ESRRG: variants seen among roughly 807,000 people sequenced by gnomAD.
ESRRG encodes the protein estrogen related receptor gamma.
A neutral mutation model predicts 44.0 loss-of-function variants in ESRRG; 13 were observed. The ratio of observed to expected loss-of-function variants is 0.30; its 90% CI spans 0.19 to 0.47. ESRRG has a LOEUF of 0.47. Among genes scored for constraint, ESRRG ranks in the 20% least tolerant of loss-of-function variants. ESRRG has a pLI of 1.00. For synonymous variants in ESRRG, 215 were observed against 214.6 expected, an observed-to-expected ratio of 1.00 and a Z score of -0.02; for missense variants, 395 against 580.6, an observed-to-expected ratio of 0.68 and a Z score of 3.29.
At chr1:216,620,986 C>A (rs935091496) in intron 3 of ESRRG, among the ~76,000 whole-genome samples, 1 of 152,130 alleles carries the variant, frequency 6.6e-6, no homozygotes, top group Admixed American at 6.5e-5. Context: ...GTTTGGACAC[C>A]AGACGTCAAG....
intron 2 of ESRRG, among the ~76,000 whole-genome samples, chr1:216,757,037 A>G (rs1406278748): frequency 6.6e-6 from 1 of 151,990 alleles, no homozygotes; most frequent in Non-Finnish European, 1.5e-5. Context: ...TCATAAAGGC[A>G]TTTCCACAGC....
chr1:216,517,492 TAGTTAATA>T (rs1405016125), intron 6 of ESRRG, among the ~76,000 whole-genome samples: 1 of 152,214 alleles, frequency 6.6e-6, no homozygotes, highest in Non-Finnish European at 1.5e-5. Flanking sequence ...CATTCATGGT[TAGTTAATA>T]ATTTTTAAAA....
chr1:216,978,834 T>A (rs11572459), intron 1 of ESRRG, among the ~76,000 whole-genome samples: 2,920 of 152,278 alleles, frequency 0.019, 87 homozygotes, highest in African/African-American at 0.062. Context: ...GGCCAAGGTC[T>A]CTTTCCTTTA....
At chr1:216,921,289 C>G (rs1473211419) in intron 2 of ESRRG, among the ~76,000 whole-genome samples, 5 of 152,026 alleles carry the variant, frequency 3.3e-5, no homozygotes, top group Admixed American at 1.3e-4. Context: ...TGACTTTTTT[C>G]AAGTACTTAA....
At chr1:216,721,546 G>A (rs2086281797) in intron 1 of ESRRG, among the ~76,000 whole-genome samples, 3 of 152,148 alleles carry the variant, frequency 2.0e-5, no homozygotes, top group Non-Finnish European at 1.5e-5. Context: ...AAAGCCAAAA[G>A]GACATGTGCC....
chr1:216,598,226 A>C (rs148833500), intron 3 of ESRRG, among the ~76,000 whole-genome samples: 1 of 152,290 alleles, frequency 6.6e-6, no homozygotes, highest in East Asian at 1.9e-4. Flanking sequence ...ACTGTAGAGA[A>C]ACACATAGAC....
At chr1:217,136,884 G>A (rs77769542) in intron 1 of ESRRG, among the ~76,000 whole-genome samples, 4,571 of 152,276 alleles carry the variant, frequency 0.03, 98 homozygotes, top group African/African-American at 0.037. Flanking sequence ...AGGACGATCA[G>A]CACGGATGGG....
At chr1:216,567,720 G>T (rs2059936625) in intron 4 of ESRRG, among the ~76,000 whole-genome samples, 1 of 152,114 alleles carries the variant, frequency 6.6e-6, no homozygotes, top group African/African-American at 2.4e-5. Context: ...TATAAGCTAT[G>T]TATTAATATG....
chr1:216,774,608 CATAA>C (rs2093521671), intron 2 of ESRRG, among the ~76,000 whole-genome samples: 1 of 151,916 alleles, frequency 6.6e-6, no homozygotes, highest in Non-Finnish European at 1.5e-5. Flanking sequence ...AGCCATTGTT[CATAA>C]ATAAAGACTT....
chr1:216,508,264 A>C (rs2041750522), intron 6 of ESRRG, among the ~76,000 whole-genome samples: 1 of 152,248 alleles, frequency 6.6e-6, no homozygotes, highest in African/African-American at 2.4e-5. Context: ...TAATTAAAAG[A>C]TAACCAGTAG....
intron 1 of ESRRG, among the ~76,000 whole-genome samples, chr1:217,081,074 G>C (rs928870437): frequency 6.6e-6 from 1 of 151,880 alleles, no homozygotes; most frequent in Non-Finnish European, 1.5e-5. Context: ...GGTAGAGTTT[G>C]CTTTTTATAC....
chr1:216,838,352 C>T (rs2095600508), intron 2 of ESRRG, among the ~76,000 whole-genome samples: 5 of 152,110 alleles, frequency 3.3e-5, no homozygotes, highest in Admixed American at 2.6e-4. Context: ...GTCTTTAGTA[C>T]ATGAAGATCA....
intron 2 of ESRRG, among the ~76,000 whole-genome samples, chr1:216,880,115 C>A (rs2096419662): frequency 1.3e-5 from 2 of 151,564 alleles, no homozygotes; most frequent in African/African-American, 4.8e-5. Context: ...TGAGACCAGC[C>A]TGACCAACAT....
At chr1:216,521,505 A>G (rs1186310367) in intron 5 of ESRRG, among the ~76,000 whole-genome samples, 1 of 151,818 alleles carries the variant, frequency 6.6e-6, no homozygotes, top group Non-Finnish European at 1.5e-5. Flanking sequence ...GGGTCTTTTC[A>G]ATTTGCCTTA....
At chr1:216,666,942 A>G (rs1331654456) in intron 2 of ESRRG, among the ~76,000 whole-genome samples, 2 of 152,162 alleles carry the variant, frequency 1.3e-5, no homozygotes, top group Non-Finnish European at 2.9e-5. Context: ...CCTCCCCCCA[A>G]AAAAAATCAG....
At chr1:216,854,446 G>A (rs975309225) in intron 2 of ESRRG, among the ~76,000 whole-genome samples, 14 of 151,110 alleles carry the variant, frequency 9.3e-5, no homozygotes, top group African/African-American at 2.9e-4. Flanking sequence ...TTGAAGATCA[G>A]GGAGTTGTCT....
At chr1:216,830,221 A>G (rs559231748) in intron 2 of ESRRG, among the ~76,000 whole-genome samples, 76 of 152,340 alleles carry the variant, frequency 5.0e-4, no homozygotes, top group African/African-American at 1.8e-3. Flanking sequence ...GAGCCTCCAC[A>G]TCGGTGACAA....
intron 1 of ESRRG, among the ~76,000 whole-genome samples, chr1:217,047,121 T>C (rs2085031696): frequency 6.6e-6 from 1 of 152,084 alleles, no homozygotes; most frequent in Non-Finnish European, 1.5e-5. Context: ...GTGCCTACCA[T>C]GAAGTGGTTG....
At chr1:216,544,496 T>G (rs1348629314) in intron 5 of ESRRG, among the ~76,000 whole-genome samples, 2 of 152,016 alleles carry the variant, frequency 1.3e-5, no homozygotes, top group Non-Finnish European at 2.9e-5. Context: ...AAACCCACAT[T>G]ACACAGCTTT....
Sources: allele counts gnomAD v4.1 joint callset (sites outside exome capture counted in the v4.1 genomes callset), GRCh38; gene constraint gnomAD v4.1.1; transcripts MANE v1.5; gene names NCBI Gene and HGNC (gene_info 2026-07-23, HGNC 2026-07-21).